Variants in IGSF10 observed in about 807,000 individuals in gnomAD.
IGSF10 encodes the protein calvaria mechanical force protein 608.
IGSF10 carries 126 observed loss-of-function variants against 128.2 expected under a neutral mutation model. That is an observed-to-expected ratio of 0.98 (90% CI 0.85 to 1.14). IGSF10 has a LOEUF of 1.14. Ranked by LOEUF, IGSF10 falls within the 50% of genes most tolerant of loss-of-function variation. The pLI, the probability that IGSF10 is intolerant of heterozygous loss-of-function variation, is 0.00. For missense variants in IGSF10, 3,295 were observed against 3,149.8 expected (o/e 1.05, Z -1.10); for synonymous variants, 1,185 against 1,146.2 (o/e 1.03, Z -0.68).
chr3:151,554,501 CCTAA>C, the IGSF10 span, among the ~76,000 whole-genome samples: 3 of 147,718 alleles, frequency 2.0e-5, no homozygotes, highest in Non-Finnish European at 4.4e-5. Context: ...TGTGATTTTG[CCTAA>C]CTCTCATAGT....
chr3:151,464,829 G>A (rs1026446302), upstream of IGSF10, among the ~76,000 whole-genome samples: 3 of 152,154 alleles, frequency 2.0e-5, no homozygotes, highest in Non-Finnish European at 2.9e-5. Context: ...GAGACATAAT[G>A]CAGGAAAAGG....
upstream of IGSF10, among the ~76,000 whole-genome samples, chr3:151,463,456 G>A (rs1722137602): frequency 2.1e-5 from 3 of 144,858 alleles, no homozygotes; most frequent in Admixed American, 7.0e-5. Context: ...ATGATTCAGA[G>A]CCAAAATACA....
chr3:151,512,072 A>G, the IGSF10 span, among the ~76,000 whole-genome samples: 1 of 152,222 alleles, frequency 6.6e-6, no homozygotes, highest in Non-Finnish European at 1.5e-5. Flanking sequence ...GAAAGTTAAC[A>G]AGGATATCCA....
the IGSF10 span, among the ~76,000 whole-genome samples, chr3:151,506,544 T>C: frequency 6.6e-6 from 1 of 152,218 alleles, no homozygotes; most frequent in East Asian, 1.9e-4. Context: ...TAAATTTATA[T>C]AAGAGGTCAT....
the IGSF10 span, among the ~76,000 whole-genome samples, chr3:151,543,483 G>A: frequency 1.3e-5 from 2 of 152,148 alleles, no homozygotes; most frequent in Non-Finnish European, 2.9e-5. Context: ...CTGGGCAAGA[G>A]CACGAGCAGT....
chr3:151,527,808 C>T, the IGSF10 span, among the ~76,000 whole-genome samples: 3 of 150,748 alleles, frequency 2.0e-5, no homozygotes, highest in Non-Finnish European at 1.5e-5. Flanking sequence ...TTTTAATTAG[C>T]TGGGCATGGT....
chr3:151,554,906 G>T, the IGSF10 span, among the ~76,000 whole-genome samples: 1 of 152,116 alleles, frequency 6.6e-6, no homozygotes, highest in South Asian at 2.1e-4. Flanking sequence ...ATACTAAATG[G>T]TTTCCATTTT....
chr3:151,520,445 T>C, the IGSF10 span, among the ~76,000 whole-genome samples: 1 of 151,772 alleles, frequency 6.6e-6, no homozygotes, highest in Admixed American at 6.6e-5. Flanking sequence ...ATGAAAAATG[T>C]CACTGGTAGA....
At chr3:151,449,406 T>C (rs1721402939) in intron 5 of IGSF10, 141 bp from the exon 6 acceptor site, 8 of 800,520 alleles carry the variant, frequency 1.0e-5, no homozygotes, top group African/African-American at 1.7e-5. Context: ...ATTTTTTGCT[T>C]CTGAATTTGA....
Position 151,438,337 on chromosome 3 carries a change from G to C in IGSF10, c.6224C>G (p.Pro2075Arg). The C allele has an allele frequency of 6.2e-7, 1 of 1,614,134 alleles. No homozygotes were observed. The highest frequency in any genetic ancestry group is 8.5e-7 in the Non-Finnish European group (1 of 1,180,016). Residue 2075 changes from proline (P) to arginine (R), a missense_variant, in exon 8 of 8, where the codon CCT becomes CGT. Physicochemically the swap from Pro to Arg is moderately radical, Grantham distance 103 (BLOSUM62 -2). Transcript: ENST00000282466. ...TGCATTGTTGATCATGGTTCCATCA[G>C]GCAAACTCCAAGATATCTCTGGCAC... is the stretch of plus-strand genomic sequence containing the variant. ...SPVPEISWSLPDGTMINNAMQ... is the reference protein window; with the variant it reads ...SPVPEISWSLRDGTMINNAMQ...
At position 151,437,663 on chromosome 3, in the gene IGSF10, T is replaced by G; in HGVS notation, c.6898A>C (p.Ile2300Leu). 3 of 1,614,226 alleles carry G rather than the reference T, an allele frequency of 1.9e-6. No individual in the cohort carries two copies. The highest frequency in any genetic ancestry group is 1.3e-5 in the African/African-American group (1 of 75,050). Residue 2300 changes from isoleucine to leucine, a missense_variant, in exon 8 of 8, where the codon ATT (isoleucine) becomes CTT (leucine). Physicochemically the swap from Ile to Leu is conservative, Grantham distance 5. Transcript: ENST00000282466. ...GAATCTGAAAGCCTCACATTCCTAA[T>G]TTCCAAGGTTCCATTTTTATGGACT... is the stretch of plus-strand genomic sequence containing the variant. Reference protein sequence around the residue: ...ITVHKNGTLEIRNVRLSDSAD... With the variant: ...ITVHKNGTLELRNVRLSDSAD...
chr3:151,591,709 G>C, the IGSF10 span, among the ~76,000 whole-genome samples: 1 of 152,018 alleles, frequency 6.6e-6, no homozygotes, highest in Non-Finnish European at 1.5e-5. Flanking sequence ...GCTCTTTAGG[G>C]AAGGCTTGCT....
At chr3:151,454,668 A>C (rs934025282) in intron 4 of IGSF10, among the ~76,000 whole-genome samples, 2 of 151,992 alleles carry the variant, frequency 1.3e-5, no homozygotes, top group African/African-American at 4.8e-5. Flanking sequence ...TATTGATTTT[A>C]ATTTATTGAG....
the IGSF10 span, among the ~76,000 whole-genome samples, chr3:151,508,365 G>C: frequency 1.3e-5 from 2 of 152,046 alleles, no homozygotes; most frequent in Non-Finnish European, 2.9e-5. Context: ...AATAAAATTT[G>C]GTTCTCTCTT....
the IGSF10 span, among the ~76,000 whole-genome samples, chr3:151,535,887 C>G: frequency 6.6e-6 from 1 of 152,134 alleles, no homozygotes; most frequent in African/African-American, 2.4e-5. Flanking sequence ...AAATTGATGG[C>G]TTCGCAGTTT....
the IGSF10 span, among the ~76,000 whole-genome samples, chr3:151,609,407 A>T: frequency 2.0e-5 from 3 of 152,306 alleles, no homozygotes; most frequent in East Asian, 3.9e-4. Context: ...TTTAAAAAGA[A>T]CACTCTGAGA....
chr3:151,555,807 C>A, the IGSF10 span, among the ~76,000 whole-genome samples: 3 of 152,258 alleles, frequency 2.0e-5, no homozygotes, highest in South Asian at 6.2e-4. Context: ...AGCACGCAGC[C>A]CCCCATGTCT....
At chr3:151,608,614 T>C in the IGSF10 span, among the ~76,000 whole-genome samples, 2 of 152,230 alleles carry the variant, frequency 1.3e-5, no homozygotes, top group Admixed American at 1.3e-4. Context: ...TCCATATTGT[T>C]TCTCGGATGC....
At chr3:151,489,906 C>T in the IGSF10 span, among the ~76,000 whole-genome samples, 2 of 151,718 alleles carry the variant, frequency 1.3e-5, no homozygotes, top group Non-Finnish European at 2.9e-5. Context: ...ACCACCATGG[C>T]ACGTCTATAC....
Sources: allele counts gnomAD v4.1 joint callset (sites outside exome capture counted in the v4.1 genomes callset), GRCh38; gene constraint gnomAD v4.1.1; transcripts MANE v1.5; gene names NCBI Gene and HGNC (gene_info 2026-07-23, HGNC 2026-07-21).